Variants in TANC1 observed in about 807,000 individuals in gnomAD.
TANC1 encodes the protein tetratricopeptide repeat, ankyrin repeat and coiled-coil containing 1.
In TANC1, 77 loss-of-function variants were observed where a neutral mutation model predicts 149.7. The observed-to-expected ratio is 0.51, with a 90% CI of 0.43 to 0.62. The LOEUF (loss-of-function observed/expected upper bound fraction) is 0.62, where lower values mean the gene tolerates loss of function less well. Among genes scored for constraint, TANC1 ranks in the 20% least tolerant of loss-of-function variants. The pLI, the probability that TANC1 is intolerant of heterozygous loss-of-function variation, is 0.00. For synonymous variants in TANC1, 854 were observed against 925.0 expected, an observed-to-expected ratio of 0.92 and a Z score of 1.39; for missense variants, 1,985 against 2,321.8, an observed-to-expected ratio of 0.85 and a Z score of 2.98.
At chr2:159,129,741 A>G (rs2049883878) in intron 4 of TANC1, among the ~76,000 whole-genome samples, 1 of 151,966 alleles carries the variant, frequency 6.6e-6, no homozygotes, top group Non-Finnish European at 1.5e-5. Context: ...TGGCCTGGGG[A>G]AATTGGAATG....
intron 4 of TANC1, among the ~76,000 whole-genome samples, chr2:159,124,959 T>G (rs2049257604): frequency 6.7e-6 from 1 of 148,516 alleles, no homozygotes. Flanking sequence ...CCCAGGCTGG[T>G]CCTGAACTCC....
At chr2:159,098,807 C>G (rs1325004370) in intron 4 of TANC1, among the ~76,000 whole-genome samples, 1 of 151,614 alleles carries the variant, frequency 6.6e-6, no homozygotes, top group Admixed American at 6.6e-5. Flanking sequence ...AATGCTGATA[C>G]CTTGAGTTTT....
intron 2 of TANC1, among the ~76,000 whole-genome samples, chr2:159,035,134 A>C (rs1228227861): frequency 6.6e-6 from 1 of 152,242 alleles, no homozygotes; most frequent in Non-Finnish European, 1.5e-5. Context: ...GGATAAACAA[A>C]TTTGAAGTGT....
At chr2:159,145,140 T>A (rs1271159231) in intron 5 of TANC1, among the ~76,000 whole-genome samples, 3 of 152,126 alleles carry the variant, frequency 2.0e-5, no homozygotes, top group African/African-American at 7.2e-5. Flanking sequence ...ATGAAAGCAG[T>A]AAGGTGCAGG....
intron 19 of TANC1, among the ~76,000 whole-genome samples, chr2:159,205,117 G>A (rs2058512808): frequency 6.6e-6 from 1 of 152,224 alleles, no homozygotes; most frequent in Non-Finnish European, 1.5e-5. Flanking sequence ...GCTGGGTCCT[G>A]TTGTATTTGA....
intron 2 of TANC1, among the ~76,000 whole-genome samples, chr2:159,002,551 A>G (rs2036713340): frequency 6.6e-6 from 1 of 152,232 alleles, no homozygotes; most frequent in Admixed American, 6.5e-5. Flanking sequence ...ACTCCTTCAC[A>G]GAGATTTTGA....
chr2:159,074,173 C>G (rs1424741493), intron 3 of TANC1, among the ~76,000 whole-genome samples: 1 of 152,190 alleles, frequency 6.6e-6, no homozygotes, highest in Non-Finnish European at 1.5e-5. Flanking sequence ...CATGAAAATA[C>G]CATTGTTCTT....
At chr2:159,112,780 CTG>C (rs2150034529) in intron 4 of TANC1, among the ~76,000 whole-genome samples, 1 of 152,156 alleles carries the variant, frequency 6.6e-6, no homozygotes, top group South Asian at 2.1e-4. Flanking sequence ...TAGGGTTCTG[CTG>C]TGTTGCCAGG....
At chr2:159,122,597 C>T (rs973248404) in intron 4 of TANC1, among the ~76,000 whole-genome samples, 1 of 152,152 alleles carries the variant, frequency 6.6e-6, no homozygotes, top group African/African-American at 2.4e-5. Flanking sequence ...TTGTAGTCAA[C>T]ACCCAACTCC....
chr2:159,142,359 T>C (rs2051471632), intron 5 of TANC1, among the ~76,000 whole-genome samples: 1 of 152,228 alleles, frequency 6.6e-6, no homozygotes, highest in Admixed American at 6.5e-5. Context: ...GCAAAAGCAA[T>C]TGTTGGTAAA....
chr2:159,217,397 G>A lies in TANC1; in HGVS notation c.3245-100G>A, dbSNP rs145554867. Reference sequence around the variant, plus strand: ...CAGGTTCAAAGGGGGAGGACATATAGACCCCATCTCCCACTGGGGGAGAGA... The same window carrying A: ...CAGGTTCAAAGGGGGAGGACATATAAACCCCATCTCCCACTGGGGGAGAGA... On this transcript the variant is annotated intron_variant, in intron 19 of 26. Transcript: ENST00000263635. The A allele has an allele frequency of 4.5e-5, 67 of 1,479,732 alleles. No homozygotes were observed. The African/African-American group carries it at 6.9e-4, about 15-fold the overall frequency. The allele number at this position is 1,479,732 out of a possible 1,614,324, so 91.7% of individuals were successfully genotyped here.
At chr2:159,028,596 A>G (rs2039538512) in intron 2 of TANC1, among the ~76,000 whole-genome samples, 1 of 152,344 alleles carries the variant, frequency 6.6e-6, no homozygotes, top group East Asian at 1.9e-4. Flanking sequence ...TTAAGTGTAC[A>G]GTGTTGTTAA....
At chr2:158,995,094 C>T (rs921231368) in intron 1 of TANC1, among the ~76,000 whole-genome samples, 1 of 152,176 alleles carries the variant, frequency 6.6e-6, no homozygotes, top group African/African-American at 2.4e-5. Context: ...GTGTAAGATA[C>T]CTATGCCTTG....
At chr2:159,213,245 A>G (rs13022357) in intron 19 of TANC1, among the ~76,000 whole-genome samples, 126,040 of 152,004 alleles carry the variant, frequency 0.83, 52,786 homozygotes, top group Non-Finnish European at 0.9. Flanking sequence ...CTCACAATAT[A>G]AAAGTACCCC....
chr2:159,219,897 A>T (rs773313559), intron 22 of TANC1, 30 bp downstream of exon 22: 1 of 1,610,080 alleles, frequency 6.2e-7, no homozygotes, highest in Non-Finnish European at 8.5e-7. Context: ...CCCCACCTCC[A>T]CCTGCATTGG....
rs2055118965 is a variant in TANC1, at chr2:159,170,798, A to T, written c.1344A>T (p.Ser448=). ...TTGCTTCCAACAGCCCGGGTTCATC[A>T]CCTAAAAGTACGTGCATGTTTAATT... is the stretch of plus-strand genomic sequence containing the variant. ...RQIASNSPGS[S]PKTSDPTQDL... The change falls in exon 10 of 27, where the codon TCA becomes TCT. Residue 448 remains serine, a synonymous_variant. Coordinates refer to ENST00000263635, the MANE Select transcript of TANC1 (RefSeq NM_033394.3). 6.2e-7 allele frequency: 1 copy of T among 1,613,162 alleles called. No individual in the cohort carries two copies. The highest frequency in any genetic ancestry group is 8.5e-7 in the Non-Finnish European group (1 of 1,179,232).
intron 19 of TANC1, among the ~76,000 whole-genome samples, chr2:159,208,736 C>T (rs2058789264): frequency 6.6e-6 from 1 of 152,170 alleles, no homozygotes; most frequent in African/African-American, 2.4e-5. Flanking sequence ...AGAGTTTTGC[C>T]AATGGGAAAC....
chr2:159,193,743 G>A (rs62171136), intron 16 of TANC1, among the ~76,000 whole-genome samples: 5,131 of 152,198 alleles, frequency 0.034, 116 homozygotes, highest in African/African-American at 0.065. Flanking sequence ...AGATGGTCTC[G>A]ATCTCTTGAC....
rs533116863 is a variant in TANC1, at chr2:159,009,013, T to G, written c.-16+7824T>G. Among the ~76,000 whole-genome samples, 21 of 152,290 alleles carry G rather than the reference T, an allele frequency of 1.4e-4. 1 individual carries two copies. The South Asian group carries it at 4.4e-3, about 32-fold the overall frequency. On this transcript the variant is annotated intron_variant, in intron 2 of 26. Transcript: ENST00000263635. ...TCCTATTGATCTTGGGGACTGGGCT[T>G]AACTACTGAAGAAGGCAGCAATTTC...
Sources: allele counts gnomAD v4.1 joint callset (sites outside exome capture counted in the v4.1 genomes callset), GRCh38; gene constraint gnomAD v4.1.1; transcripts MANE v1.5; gene names NCBI Gene and HGNC (gene_info 2026-07-23, HGNC 2026-07-21).